TRHDE: variants seen among roughly 807,000 people sequenced by gnomAD.
The protein encoded by TRHDE is thyrotropin releasing hormone degrading enzyme.
In TRHDE, 72 loss-of-function variants were observed where a neutral mutation model predicts 125.7. The ratio of observed to expected loss-of-function variants is 0.57; its 90% CI spans 0.47 to 0.70. The LOEUF is 0.70. Ranked by LOEUF, TRHDE falls within the 30% of genes least tolerant of loss-of-function variation. TRHDE has a pLI of 0.00. For missense variants in TRHDE, 1,110 were observed against 1,327.1 expected, an observed-to-expected ratio of 0.84 and a Z score of 2.54; for synonymous variants, 509 against 509.1, an observed-to-expected ratio of 1.00 and a Z score of 0.00.
chr12:72,454,346 G>T (rs1875734782), intron 3 of TRHDE, among the ~76,000 whole-genome samples: 1 of 151,954 alleles, frequency 6.6e-6, no homozygotes, highest in Non-Finnish European at 1.5e-5. Flanking sequence ...TATTTATTTT[G>T]TGAAGATTGT....
At chr12:72,220,850 G>GT (rs377455180) in intron 2 of TRHDE, among the ~76,000 whole-genome samples, 3 of 151,980 alleles carry the variant, frequency 2.0e-5, no homozygotes, top group African/African-American at 4.8e-5. Context: ...TTTGATGTGG[G>GT]TTTTTTTGTT....
At chr12:72,582,841 T>C (rs182865569) in intron 12 of TRHDE, among the ~76,000 whole-genome samples, 28 of 152,334 alleles carry the variant, frequency 1.8e-4, no homozygotes, top group African/African-American at 6.7e-4. Context: ...TCTAATATCC[T>C]GCCTAATGCT....
chr12:72,543,861 T>C (rs1013002047), intron 7 of TRHDE, among the ~76,000 whole-genome samples: 18 of 149,442 alleles, frequency 1.2e-4, no homozygotes, highest in African/African-American at 4.1e-4. Context: ...TGTCATACTT[T>C]CTATGGTGTG....
chr12:72,581,112 C>T (rs1471041004), intron 12 of TRHDE, among the ~76,000 whole-genome samples: 16 of 152,106 alleles, frequency 1.1e-4, no homozygotes, highest in African/African-American at 3.6e-4. Flanking sequence ...GCAGCAATGC[C>T]TCATGGCACA....
chr12:72,208,338 G>A (rs1333837237), intron 2 of TRHDE, among the ~76,000 whole-genome samples: 1 of 152,126 alleles, frequency 6.6e-6, no homozygotes, highest in East Asian at 1.9e-4. Flanking sequence ...AGGAGGGGCA[G>A]GGCACATTCC....
Position 72,615,158 on chromosome 12 carries a change from C to T in TRHDE, c.2322-3733C>T, listed in dbSNP as rs898133762. Among the ~76,000 whole-genome samples the T allele has an allele frequency of 2.7e-4, 41 of 152,146 alleles. 1 individual carries two copies. The highest frequency in any genetic ancestry group is 9.9e-4 in the African/African-American group (41 of 41,500). On this transcript the variant is annotated intron_variant, in intron 12 of 18. Coordinates refer to ENST00000261180, the MANE Select transcript of TRHDE (RefSeq NM_013381.3). ...TTTGATTCCCAAATCATCTCTTATG[C>T]TCATCCTCACTCCAATAGTAGGGAA...
intron 2 of TRHDE, among the ~76,000 whole-genome samples, chr12:72,152,363 C>G (rs1365417479): frequency 6.6e-6 from 1 of 151,814 alleles, no homozygotes; most frequent in Non-Finnish European, 1.5e-5. Flanking sequence ...TTGACTTCCT[C>G]TTTTCCTAAT....
chr12:72,499,530 T>C lies in TRHDE; in HGVS notation c.1617T>C (p.His539=). The C allele has an allele frequency of 6.2e-7, 1 of 1,613,818 alleles. No individual in the cohort carries two copies. Among genetic ancestry groups the C allele is most frequent in the South Asian group, 1.1e-5 (1 of 91,088 alleles). The change falls in exon 6 of 19, where the codon CAT becomes CAC. Residue 539 remains histidine (H), a synonymous_variant. Transcript: ENST00000261180. ...EKQRFLTDVL[H]EVMLLDGLAS... Reference sequence around the variant, plus strand: ...AGAGGTTTCTGACCGATGTTCTGCATGAAGTGATGCTGCTGGACGGTTTGG... The same window carrying C: ...AGAGGTTTCTGACCGATGTTCTGCACGAAGTGATGCTGCTGGACGGTTTGG...
At chr12:72,182,991 G>A (rs938160249) in intron 2 of TRHDE, among the ~76,000 whole-genome samples, 11 of 152,284 alleles carry the variant, frequency 7.2e-5, no homozygotes, top group Admixed American at 6.5e-4. Flanking sequence ...ATGGGCAGAG[G>A]AGGGGAGATA....
At chr12:72,195,561 G>C (rs1274662489) in intron 2 of TRHDE, among the ~76,000 whole-genome samples, 1 of 151,798 alleles carries the variant, frequency 6.6e-6, no homozygotes, top group Non-Finnish European at 1.5e-5. Flanking sequence ...AGAAGTGTCT[G>C]TTCATGTCTT....
chr12:72,374,649 G>A (rs1871790855), intron 2 of TRHDE, among the ~76,000 whole-genome samples: 2 of 152,204 alleles, frequency 1.3e-5, no homozygotes, highest in South Asian at 2.1e-4. Flanking sequence ...AGTAAGAGAA[G>A]CGAATAAAAT....
At chr12:72,373,466 A>G (rs1242941334) in intron 2 of TRHDE, among the ~76,000 whole-genome samples, 1 of 152,100 alleles carries the variant, frequency 6.6e-6, no homozygotes, top group Non-Finnish European at 1.5e-5. Flanking sequence ...CCTGTCTTGA[A>G]AAACTGGCTG....
chr12:72,256,172 A>G (rs1878809976), intron 2 of TRHDE: 1 of 152,156 alleles, frequency 6.6e-6, no homozygotes, highest in Admixed American at 6.5e-5. Context: ...GTTGCTTTCC[A>G]TCACTTAGTA....
At chr12:72,363,960 A>G (rs1481271288) in intron 2 of TRHDE, among the ~76,000 whole-genome samples, 2 of 152,076 alleles carry the variant, frequency 1.3e-5, no homozygotes, top group African/African-American at 4.8e-5. Context: ...AATCACAAGC[A>G]TTGTTATACA....
chr12:72,446,012 C>T (rs1875259045), intron 3 of TRHDE, among the ~76,000 whole-genome samples: 1 of 151,870 alleles, frequency 6.6e-6, no homozygotes, highest in Admixed American at 6.6e-5. Context: ...TTGTATTTCT[C>T]CTTGTCCCAG....
intron 3 of TRHDE, among the ~76,000 whole-genome samples, chr12:72,418,996 A>G (rs1351117618): frequency 6.6e-6 from 1 of 152,146 alleles, no homozygotes; most frequent in Non-Finnish European, 1.5e-5. Flanking sequence ...TGGGATATAG[A>G]ATGAGTAGTA....
In TRHDE at chr12:72,479,948, T is replaced by C. The variant is rs529039771; in HGVS notation, c.1584+6768T>C. Among the ~76,000 whole-genome samples, 14 of 152,128 alleles carry C rather than the reference T, an allele frequency of 9.2e-5. No individual in the cohort carries two copies. In the East Asian group the frequency reaches 2.5e-3, roughly 27 times the overall value. On this transcript the variant is annotated intron_variant, in intron 5 of 18. Coordinates refer to ENST00000261180, the MANE Select transcript of TRHDE (RefSeq NM_013381.3). ...TGTCCTTGCAGTAGTTTACTGAGAA[T>C]GATGATTTCCAATTTCATCCATGTC...
At chr12:72,097,665 G>A (rs1380203326) in intron 1 of TRHDE, among the ~76,000 whole-genome samples, 1 of 151,984 alleles carries the variant, frequency 6.6e-6, no homozygotes. Context: ...TGCCCAGGGT[G>A]GTCTTGAACT....
At chr12:72,190,643 A>G (rs188884560) in intron 2 of TRHDE, among the ~76,000 whole-genome samples, 1 of 152,330 alleles carries the variant, frequency 6.6e-6, no homozygotes, top group East Asian at 1.9e-4. Context: ...CCATGTGAAT[A>G]TTTACCAAAT....
Sources: allele counts gnomAD v4.1 joint callset (sites outside exome capture counted in the v4.1 genomes callset), GRCh38; gene constraint gnomAD v4.1.1; transcripts MANE v1.5; gene names NCBI Gene and HGNC (gene_info 2026-07-23, HGNC 2026-07-21).